Variants in SP4 observed in about 807,000 individuals in gnomAD.
SP4 encodes the protein transcription factor Sp4.
A neutral mutation model predicts 72.8 loss-of-function variants in SP4; 19 were observed. The observed-to-expected ratio is 0.26, with a 90% CI of 0.18 to 0.38. SP4 has a LOEUF of 0.38. SP4 is among the 10% of genes least tolerant of loss of function. The pLI is 1.00. For synonymous variants in SP4, 395 were observed against 333.1 expected, an observed-to-expected ratio of 1.19 and a Z score of -2.02; for missense variants, 1,008 against 926.3, an observed-to-expected ratio of 1.09 and a Z score of -1.14.
chr7:21,479,396 C>G (rs187880069), intron 4 of SP4, among the ~76,000 whole-genome samples: 28 of 152,116 alleles, frequency 1.8e-4, no homozygotes, highest in African/African-American at 6.7e-4. Context: ...ACTGTCCTTT[C>G]TCCGTTGAAT....
chr7:21,464,022 C>A (rs1784082563), intron 3 of SP4, among the ~76,000 whole-genome samples: 2 of 151,736 alleles, frequency 1.3e-5, no homozygotes, highest in African/African-American at 4.8e-5. Flanking sequence ...TTGCACAGTG[C>A]TTAGAACACA....
In SP4 at chr7:21,511,280, A is replaced by T. The variant is rs765455982; in HGVS notation, c.*11A>T. 40 of 1,612,622 alleles carry T rather than the reference A, an allele frequency of 2.5e-5. No homozygotes were observed. The Admixed American group carries it at 6.5e-4, about 26-fold the overall frequency. On this transcript the variant is annotated 3_prime_UTR_variant, in exon 6 of 6. Coordinates refer to ENST00000222584, the MANE Select transcript of SP4 (RefSeq NM_003112.5). ...ATGGAAGAATTCTGAAAAGTTATTT[A>T]TAACAGAGACCTCTAGTGCTGCACT...
At chr7:21,495,142 A>G (rs1350469321) in intron 5 of SP4, among the ~76,000 whole-genome samples, 1 of 152,206 alleles carries the variant, frequency 6.6e-6, no homozygotes, top group Non-Finnish European at 1.5e-5. Context: ...TGAATAAAAT[A>G]TAGGACAAAA....
intron 4 of SP4, among the ~76,000 whole-genome samples, chr7:21,479,260 AGTT>A (rs1203797936): frequency 7.3e-6 from 1 of 136,112 alleles, no homozygotes; most frequent in Non-Finnish European, 1.5e-5. Context: ...TAAGATTCCT[AGTT>A]GTTTTTTTTT....
intron 5 of SP4, among the ~76,000 whole-genome samples, chr7:21,498,604 T>C (rs1781784171): frequency 6.6e-6 from 1 of 152,104 alleles, no homozygotes; most frequent in Admixed American, 6.5e-5. Context: ...AGTTAACCCT[T>C]GAACAACACA....
At chr7:21,471,433 C>T (rs1369223751) in intron 3 of SP4, among the ~76,000 whole-genome samples, 1 of 152,156 alleles carries the variant, frequency 6.6e-6, no homozygotes, top group Non-Finnish European at 1.5e-5. Context: ...AAGAGAATAG[C>T]TTTTTGAGTT....
intron 5 of SP4, among the ~76,000 whole-genome samples, chr7:21,486,411 G>C (rs1784812919): frequency 6.6e-6 from 1 of 151,962 alleles, no homozygotes; most frequent in South Asian, 2.1e-4. Context: ...TTCTTTTCCA[G>C]GATTCAGTCT....
intron 5 of SP4, among the ~76,000 whole-genome samples, chr7:21,483,763 C>G (rs564148023): frequency 2.0e-5 from 3 of 151,444 alleles, no homozygotes; most frequent in Non-Finnish European, 3.0e-5. Context: ...GCCTTGACTT[C>G]TTTTTGGGCA....
At chr7:21,454,900 G>A (rs139100121) in intron 3 of SP4, among the ~76,000 whole-genome samples, 16 of 152,302 alleles carry the variant, frequency 1.1e-4, no homozygotes, top group East Asian at 1.9e-4. Flanking sequence ...GGTGCCATAC[G>A]CCCCCATTAC....
At chr7:21,462,360 C>T (rs1784021836) in intron 3 of SP4, among the ~76,000 whole-genome samples, 2 of 151,084 alleles carry the variant, frequency 1.3e-5, no homozygotes, top group South Asian at 4.2e-4. Context: ...TCTCAAGAGT[C>T]TTAAAAAAAT....
chr7:21,441,643 C>T (rs1337206968), intron 3 of SP4, among the ~76,000 whole-genome samples: 1 of 152,096 alleles, frequency 6.6e-6, no homozygotes, highest in Non-Finnish European at 1.5e-5. Context: ...AAAGCAGGAG[C>T]TCAGATAAAA....
At chr7:21,459,070 AT>A (rs1402546093) in intron 3 of SP4, among the ~76,000 whole-genome samples, 2 of 152,132 alleles carry the variant, frequency 1.3e-5, no homozygotes, top group African/African-American at 4.8e-5. Context: ...AGCTAGACTG[AT>A]TTAAACTTCT....
chr7:21,461,926 C>T (rs553908391), intron 3 of SP4, among the ~76,000 whole-genome samples: 7 of 151,984 alleles, frequency 4.6e-5, no homozygotes, highest in South Asian at 4.2e-4. Context: ...TGTAGAATGA[C>T]GATGTCAGAC....
intron 5 of SP4, among the ~76,000 whole-genome samples, chr7:21,494,403 G>A (rs556592090): frequency 2.5e-4 from 38 of 152,278 alleles, no homozygotes; most frequent in African/African-American, 8.2e-4. Context: ...CTACCAAAAA[G>A]CTTTTTGAAC....
intron 5 of SP4, among the ~76,000 whole-genome samples, chr7:21,487,338 C>G (rs1020958145): frequency 6.7e-6 from 1 of 149,464 alleles, no homozygotes; most frequent in South Asian, 2.1e-4. Flanking sequence ...CTCTCTCCCT[C>G]TCTCTCTCTT....
At chr7:21,443,002 C>T (rs1783309651) in intron 3 of SP4, among the ~76,000 whole-genome samples, 1 of 152,170 alleles carries the variant, frequency 6.6e-6, no homozygotes, top group Non-Finnish European at 1.5e-5. Context: ...TCCCAAAGTG[C>T]TGGGATTACA....
At chr7:21,505,294 T>C (rs1393362480) in intron 5 of SP4, among the ~76,000 whole-genome samples, 1 of 152,202 alleles carries the variant, frequency 6.6e-6, no homozygotes, top group Admixed American at 6.5e-5. Context: ...TTAACTTCTT[T>C]TTCTGCAAAC....
intron 3 of SP4, among the ~76,000 whole-genome samples, chr7:21,451,582 G>C (rs1783602694): frequency 6.6e-6 from 1 of 152,140 alleles, no homozygotes; most frequent in African/African-American, 2.4e-5. Flanking sequence ...GGGTGGCTCT[G>C]TGGGTTGATG....
At chr7:21,491,244 T>G (rs1784970920) in intron 5 of SP4, among the ~76,000 whole-genome samples, 1 of 152,126 alleles carries the variant, frequency 6.6e-6, no homozygotes, top group Non-Finnish European at 1.5e-5. Flanking sequence ...AAATAGAAAT[T>G]TTAGATTTAG....
Sources: gnomAD v4.1 joint callset for allele counts (sites outside exome capture counted in the v4.1 genomes callset) on GRCh38, gnomAD v4.1.1 for gene constraint, MANE v1.5 for transcripts, NCBI Gene and HGNC (gene_info 2026-07-23, HGNC 2026-07-21) for gene names.